The following CAMK4 variants were observed in gnomAD, a reference collection of about 807,000 sequenced individuals.
CAMK4 encodes calcium/calmodulin dependent protein kinase IV, also known as calcium/calmodulin-dependent protein kinase type IV.
CAMK4 carries 22 observed loss-of-function variants against 44.9 expected under a neutral mutation model. The ratio of observed to expected loss-of-function variants is 0.49; its 90% CI spans 0.35 to 0.70. CAMK4 has a LOEUF of 0.70. Among genes scored for constraint, CAMK4 ranks in the 30% least tolerant of loss-of-function variants. The pLI is 0.01. For missense variants in CAMK4, 498 were observed against 586.8 expected (o/e 0.85, Z 1.56); for synonymous variants, 218 against 215.4 (o/e 1.01, Z -0.11).
At chr5:111,344,383 G>A (rs1031513237) in intron 2 of CAMK4, among the ~76,000 whole-genome samples, 33 of 148,606 alleles carry the variant, frequency 2.2e-4, no homozygotes, top group Non-Finnish European at 1.3e-4. Context: ...TATCAGGCAT[G>A]TTCTTGGAGA....
intron 1 of CAMK4, among the ~76,000 whole-genome samples, chr5:111,291,748 C>T (rs1262362096): frequency 6.6e-6 from 1 of 152,178 alleles, no homozygotes; most frequent in Non-Finnish European, 1.5e-5. Flanking sequence ...TGGCCTCAAG[C>T]AATCCTCCTG....
chr5:111,429,020 TG>T (rs1333814113), intron 5 of CAMK4, among the ~76,000 whole-genome samples: 1 of 152,176 alleles, frequency 6.6e-6, no homozygotes, highest in Non-Finnish European at 1.5e-5. Context: ...TATAGCTATA[TG>T]TACCTACATC....
chr5:111,367,998 T>C (rs1420804519), intron 2 of CAMK4, among the ~76,000 whole-genome samples: 1 of 152,110 alleles, frequency 6.6e-6, no homozygotes, highest in Non-Finnish European at 1.5e-5. Context: ...TCTCACTGTG[T>C]TGGGTTTCCC....
intron 9 of CAMK4, among the ~76,000 whole-genome samples, chr5:111,479,982 C>G (rs140205531): frequency 2.6e-4 from 39 of 152,072 alleles, no homozygotes; most frequent in Non-Finnish European, 5.0e-4. Flanking sequence ...ATAAATAAAT[C>G]GCATCATGTC....
intron 9 of CAMK4, among the ~76,000 whole-genome samples, chr5:111,479,806 T>C (rs577992311): frequency 3.3e-5 from 5 of 152,202 alleles, no homozygotes; most frequent in Admixed American, 2.0e-4. Context: ...TGTATAAATA[T>C]GTCATTGCAA....
At chr5:111,461,557 C>T (rs1318497670) in intron 7 of CAMK4, among the ~76,000 whole-genome samples, 1 of 152,250 alleles carries the variant, frequency 6.6e-6, no homozygotes, top group Non-Finnish European at 1.5e-5. Context: ...GCACTGCTGC[C>T]GCCCATAGGC....
chr5:111,451,261 T>C (rs60837851), intron 7 of CAMK4, among the ~76,000 whole-genome samples: 1 of 40,404 alleles, frequency 2.5e-5, no homozygotes, highest in Admixed American at 2.1e-4. Flanking sequence ...TATATATTTA[T>C]AAAACTATAA....
At chr5:111,234,254 AG>A (rs1748608405) in intron 1 of CAMK4, among the ~76,000 whole-genome samples, 1 of 152,196 alleles carries the variant, frequency 6.6e-6, no homozygotes, top group Non-Finnish European at 1.5e-5. Context: ...TCATATTGCA[AG>A]GTGTGTCTTT....
Position 111,335,108 on chromosome 5 carries a change from A to G in CAMK4, c.162-8916A>G, listed in dbSNP as rs1307302283. Among the ~76,000 whole-genome samples the G allele has an allele frequency of 3.3e-5, 5 of 151,506 alleles. No homozygotes were observed. In the South Asian group the frequency reaches 8.3e-4, roughly 25 times the overall value. On this transcript the variant is annotated intron_variant, in intron 1 of 10. Coordinates refer to ENST00000282356, the MANE Select transcript of CAMK4 (RefSeq NM_001744.6). Reference sequence around the variant, plus strand: ...AGACTTCTGTGTGATAAGAGATTCCATATCTGAATTTCCCTTGCATTTGCA... The same window carrying G: ...AGACTTCTGTGTGATAAGAGATTCCGTATCTGAATTTCCCTTGCATTTGCA...
chr5:111,439,796 A>G (rs1580754977), intron 5 of CAMK4, among the ~76,000 whole-genome samples: 1 of 152,322 alleles, frequency 6.6e-6, no homozygotes, highest in East Asian at 1.9e-4. Context: ...ACCTGGAGCC[A>G]GGGAAGGAGG....
intron 1 of CAMK4, among the ~76,000 whole-genome samples, chr5:111,273,677 T>TTATATATATA (rs1160351356): frequency 1.5e-3 from 62 of 41,062 alleles, no homozygotes; most frequent in East Asian, 2.5e-3. Flanking sequence ...AAAAATGCAT[T>TTATATATATA]TATATATATA....
At chr5:111,423,566 G>T (rs1179886275) in intron 5 of CAMK4, among the ~76,000 whole-genome samples, 3 of 152,156 alleles carry the variant, frequency 2.0e-5, no homozygotes, top group African/African-American at 7.2e-5. Context: ...CTATAAAATT[G>T]CTGTTGCAGA....
rs1752771625 is a variant in CAMK4 at position 111,415,141 on chromosome 5, A to G, written c.459+20359A>G. On this transcript the variant is annotated intron_variant, in intron 5 of 10. Transcript: ENST00000282356. ...TGGTCAGCTGCTGACTAAAATTACT[A>G]AATGAAAAGTTCTGGAAATAAACGA... Among the ~76,000 whole-genome samples the G allele has an allele frequency of 3.3e-5, 5 of 152,224 alleles. 1 individual carries two copies. In the South Asian group the frequency reaches 1.0e-3, roughly 31 times the overall value.
upstream of CAMK4, chr5:111,223,903 T>G (rs1481298833): frequency 6.5e-6 from 1 of 152,772 alleles, no homozygotes; most frequent in Non-Finnish European, 1.5e-5. The surrounding 1 kb of genome is among the most constrained non-coding windows in gnomAD (Gnocchi z 4.3). Context: ...GAGGGATGAG[T>G]TGCGCCACCA....
At chr5:111,416,391 T>C (rs1752815828) in intron 5 of CAMK4, 1 of 152,166 alleles carries the variant, frequency 6.6e-6, no homozygotes, top group African/African-American at 2.4e-5. Flanking sequence ...TGAACACATA[T>C]TGCTTTTAAT....
intron 1 of CAMK4, among the ~76,000 whole-genome samples, chr5:111,312,881 G>T (rs566118533): frequency 1.3e-5 from 2 of 152,232 alleles, no homozygotes; most frequent in Admixed American, 6.5e-5. Flanking sequence ...CAGACTTCAC[G>T]TTTTAATGCG....
chr5:111,470,715 A>G (rs1003143446), intron 7 of CAMK4, among the ~76,000 whole-genome samples: 1 of 152,242 alleles, frequency 6.6e-6, no homozygotes, highest in Non-Finnish European at 1.5e-5. Context: ...GAAGGAACCA[A>G]GTTACTACTG....
intron 5 of CAMK4, among the ~76,000 whole-genome samples, chr5:111,444,680 A>C (rs1449829536): frequency 6.6e-6 from 1 of 152,270 alleles, no homozygotes; most frequent in Middle Eastern, 3.4e-3. Flanking sequence ...GCCATCTTGA[A>C]ACTGTACCTC....
At chr5:111,225,611 C>T (rs537297091) in intron 1 of CAMK4, among the ~76,000 whole-genome samples, 3 of 152,274 alleles carry the variant, frequency 2.0e-5, no homozygotes, top group African/African-American at 7.2e-5. Context: ...TACTCCTTTG[C>T]AATTTCATTT....
Sources: gnomAD v4.1 joint callset for allele counts (sites outside exome capture counted in the v4.1 genomes callset) on GRCh38, gnomAD v4.1.1 for gene constraint, Gnocchi (gnomAD v3.1) non-coding constraint, MANE v1.5 for transcripts, NCBI Gene and HGNC (gene_info 2026-07-23, HGNC 2026-07-21) for gene names.